Variants in SLC35F4 observed in about 807,000 individuals in gnomAD.
The protein encoded by SLC35F4 is solute carrier family 35 member F4.
Under a neutral mutation model 44.2 loss-of-function variants are expected in SLC35F4, and 24 were observed. That is an observed-to-expected ratio of 0.54 (90% CI 0.39 to 0.76). The LOEUF is 0.76. Among genes scored for constraint, SLC35F4 ranks in the 30% least tolerant of loss-of-function variants. SLC35F4 has a pLI of 0.00. For missense variants in SLC35F4, 562 were observed against 586.1 expected (o/e 0.96, Z 0.42); for synonymous variants, 238 against 223.6 (o/e 1.06, Z -0.57).
intron 1 of SLC35F4, among the ~76,000 whole-genome samples, chr14:57,745,611 T>C (rs1485916135): frequency 1.3e-5 from 2 of 152,074 alleles, no homozygotes; most frequent in East Asian, 1.9e-4. Context: ...TGTGGAGAAA[T>C]AGGAACACTT....
intron 1 of SLC35F4, among the ~76,000 whole-genome samples, chr14:57,943,099 C>G (rs1052037336): frequency 6.6e-6 from 1 of 152,204 alleles, no homozygotes; most frequent in South Asian, 2.1e-4. Flanking sequence ...CATCAGGAAA[C>G]CACCAAAATA....
At chr14:57,917,549 T>G (rs1488058677) in intron 1 of SLC35F4, among the ~76,000 whole-genome samples, 1 of 152,174 alleles carries the variant, frequency 6.6e-6, no homozygotes, top group Non-Finnish European at 1.5e-5. Flanking sequence ...TAAATTTTAC[T>G]GAAAGGCAGA....
rs540821299 is a variant in SLC35F4, at chr14:57,862,171, T to A, written c.103+3552A>T. Among the ~76,000 whole-genome samples the A allele has an allele frequency of 7.9e-4, 120 of 152,244 alleles. No homozygotes were observed. In the Middle Eastern group the frequency reaches 0.017, roughly 22 times the overall value. On this transcript the variant is annotated intron_variant, in intron 1 of 7. Transcript: ENST00000556826. ...AAACCAGAAAAGATGCAGTCATTTTTTACTCCTATCTTTCTTACAGATACC... is the reference window on the plus strand; with the variant it reads ...AAACCAGAAAAGATGCAGTCATTTTATACTCCTATCTTTCTTACAGATACC...
rs771730116 is a variant in SLC35F4 at position 57,569,833 on chromosome 14, C to T, written c.1081G>A (p.Ala361Thr). 6.2e-7 allele frequency: 1 copy of T among 1,611,276 alleles called. No homozygotes were observed. Among genetic ancestry groups the T allele is most frequent in the Non-Finnish European group, 8.5e-7 (1 of 1,178,804 alleles). Residue 361 changes from alanine to threonine, a missense_variant, in exon 6 of 8, where the codon GCT (alanine) becomes ACT (threonine). Ala to Thr is a moderately conservative substitution (Grantham distance 58, BLOSUM62 0). Transcript: ENST00000556826. ...TKVEHWSSFA[A>T]LPWGCLCGMA... ...CCACAGAGACAGCCCCATGGCAGAG[C>T]AGCAAAAGAGGACCAGTGCTCCACC... is the stretch of plus-strand genomic sequence containing the variant.
intron 1 of SLC35F4, among the ~76,000 whole-genome samples, chr14:57,632,878 C>T (rs1347727059): frequency 6.6e-6 from 1 of 152,008 alleles, no homozygotes; most frequent in Admixed American, 6.6e-5. Context: ...TGTGCTTTGC[C>T]TCCCTCCCTA....
chr14:57,774,380 G>A (rs1253844533), intron 1 of SLC35F4, among the ~76,000 whole-genome samples: 1 of 152,176 alleles, frequency 6.6e-6, no homozygotes, highest in Non-Finnish European at 1.5e-5. Flanking sequence ...ACTTGTGTTG[G>A]CATGGAGAGC....
At chr14:57,801,547 T>G (rs2078193726) in intron 1 of SLC35F4, among the ~76,000 whole-genome samples, 2 of 152,152 alleles carry the variant, frequency 1.3e-5, no homozygotes, top group African/African-American at 4.8e-5. Flanking sequence ...AATGTCCCCT[T>G]TAAAAGACAC....
chr14:57,968,781 G>T (rs529264630), intron 1 of SLC35F4, among the ~76,000 whole-genome samples: 15 of 152,218 alleles, frequency 9.9e-5, no homozygotes, highest in African/African-American at 3.6e-4. Flanking sequence ...ACAACTGCTG[G>T]AACATAGTAA....
chr14:57,834,176 G>A (rs1334355228), intron 1 of SLC35F4, among the ~76,000 whole-genome samples: 1 of 152,186 alleles, frequency 6.6e-6, no homozygotes, highest in East Asian at 1.9e-4. Context: ...TAAAACTCCA[G>A]AGTACAAAAT....
intron 1 of SLC35F4, among the ~76,000 whole-genome samples, chr14:57,623,238 G>A (rs916169748): frequency 1.3e-5 from 2 of 152,120 alleles, no homozygotes; most frequent in Non-Finnish European, 2.9e-5. Context: ...ATGGTAAAGG[G>A]ATCAATGCAA....
At chr14:57,583,911 T>C (rs548523773) in intron 3 of SLC35F4, among the ~76,000 whole-genome samples, 16 of 152,270 alleles carry the variant, frequency 1.1e-4, no homozygotes, top group African/African-American at 3.6e-4. Context: ...TCTGGGCAAG[T>C]GGCATTGACA....
intron 1 of SLC35F4, among the ~76,000 whole-genome samples, chr14:57,980,611 T>C (rs1881348941): frequency 6.6e-6 from 1 of 151,550 alleles, no homozygotes; most frequent in Non-Finnish European, 1.5e-5. Context: ...CCTTCTGACC[T>C]TTCCACCTGG....
intron 1 of SLC35F4, among the ~76,000 whole-genome samples, chr14:57,846,359 C>T (rs557932782): frequency 1.2e-3 from 183 of 152,204 alleles, no homozygotes; most frequent in African/African-American, 3.9e-3. Context: ...TTCCATGTTG[C>T]CTGAATATTG....
rs147271653 is a variant in SLC35F4 at position 57,659,830 on chromosome 14, G to T, written c.104-65706C>A. Reference sequence around the variant, plus strand: ...TACCTCCTCAAAATAACAGTAAAATGTTTTGGCAATATAATCATTTTTAAA... The same window carrying T: ...TACCTCCTCAAAATAACAGTAAAATTTTTTGGCAATATAATCATTTTTAAA... On this transcript the variant is annotated intron_variant, in intron 1 of 7. Transcript: ENST00000556826. Among the ~76,000 whole-genome samples the T allele has an allele frequency of 5.3e-4, 80 of 152,242 alleles. No homozygotes were observed. The Middle Eastern group carries it at 0.01, about 19-fold the overall frequency.
intron 1 of SLC35F4, among the ~76,000 whole-genome samples, chr14:57,844,946 C>G (rs907744366): frequency 5.3e-5 from 8 of 152,068 alleles, no homozygotes; most frequent in East Asian, 1.9e-4. Context: ...CCCCCACCCC[C>G]CCATGCACAT....
chr14:57,970,268 G>A (rs1387729804), intron 1 of SLC35F4, among the ~76,000 whole-genome samples: 1 of 152,190 alleles, frequency 6.6e-6, no homozygotes, highest in Non-Finnish European at 1.5e-5. Flanking sequence ...ATCTTGAAGA[G>A]GAAATGTAAA....
intron 1 of SLC35F4, among the ~76,000 whole-genome samples, chr14:57,791,135 G>A (rs1263732245): frequency 6.6e-6 from 1 of 152,056 alleles, no homozygotes; most frequent in African/African-American, 2.4e-5. Context: ...TTGACAAATG[G>A]GATCTAATTA....
chr14:57,795,919 A>G (rs1350097579), intron 1 of SLC35F4, among the ~76,000 whole-genome samples: 2 of 152,070 alleles, frequency 1.3e-5, no homozygotes, highest in Admixed American at 6.6e-5. Context: ...CATAGTACCC[A>G]ATACCTAGTT....
At chr14:57,591,847 A>G (rs2070203142) in intron 2 of SLC35F4, among the ~76,000 whole-genome samples, 1 of 152,242 alleles carries the variant, frequency 6.6e-6, no homozygotes, top group South Asian at 2.1e-4. Context: ...ATAAAGGAGG[A>G]ATAACTCTAC....
Sources: allele counts gnomAD v4.1 joint callset (sites outside exome capture counted in the v4.1 genomes callset), GRCh38; gene constraint gnomAD v4.1.1; transcripts MANE v1.5; gene names NCBI Gene and HGNC (gene_info 2026-07-23, HGNC 2026-07-21).